C6orf118: variants seen among roughly 807,000 people sequenced by gnomAD.
C6orf118 encodes the protein chromosome 6 open reading frame 118.
A neutral mutation model predicts 50.2 loss-of-function variants in C6orf118; 50 were observed. That is an observed-to-expected ratio of 1.00 (90% CI 0.79 to 1.26). C6orf118 has a LOEUF of 1.26. Among genes scored for constraint, C6orf118 ranks in the 50% most tolerant of loss-of-function variants. The probability of loss-of-function intolerance (pLI) is 0.00; values close to 1 mark genes in which losing one functional copy is unlikely to be tolerated. For synonymous variants in C6orf118, 239 were observed against 230.9 expected (o/e 1.03, Z -0.32); for missense variants, 641 against 578.7 (o/e 1.11, Z -1.10).
chr6:165,280,145 G>C, intron 8 of C6orf118, 35 bp from the exon 9 acceptor site: 1 of 1,412,372 alleles, frequency 7.1e-7, no homozygotes, highest in Non-Finnish European at 9.7e-7. Context: ...CCATAGGTTA[G>C]AAAAAAATAC....
chr6:165,281,591 C>A (rs1779732765), intron 8 of C6orf118, 49 bp downstream of exon 8: 3 of 1,477,890 alleles, frequency 2.0e-6, no homozygotes, highest in Non-Finnish European at 1.8e-6. Context: ...AAGCAGTCAC[C>A]AGAGGAAATA....
In C6orf118 at chr6:165,298,568, G is replaced by C. The variant is rs146037371; in HGVS notation, c.937-467C>G. On this transcript the variant is annotated intron_variant, in intron 4 of 8. Transcript: ENST00000230301. ...ATGGGTTGCCAGGGTTACAGACACAGAAAGAGGCATCCAGGGCCCTGCTGG... is the reference window on the plus strand; with the variant it reads ...ATGGGTTGCCAGGGTTACAGACACACAAAGAGGCATCCAGGGCCCTGCTGG... 1.9e-3 allele frequency among the ~76,000 whole-genome samples: 285 copies of C among 152,326 alleles called. 1 individual carries two copies. Among genetic ancestry groups the C allele is most frequent in the Middle Eastern group, 6.8e-3 (2 of 294 alleles).
chr6:165,289,174 CAAAAAAAAAAAG>C (rs1461110084), intron 7 of C6orf118, among the ~76,000 whole-genome samples: 1 of 131,398 alleles, frequency 7.6e-6, no homozygotes, highest in South Asian at 2.4e-4. Context: ...GTCCCCCCTC[CAAAAAAAAAAAG>C]AAAAAGAAAA....
At chr6:165,282,325 G>A (rs557807096) in intron 7 of C6orf118, among the ~76,000 whole-genome samples, 1 of 152,226 alleles carries the variant, frequency 6.6e-6, no homozygotes, top group Admixed American at 6.5e-5. Flanking sequence ...CAGGATAACT[G>A]TGAACAAAAT....
Position 165,300,686 on chromosome 6 carries a change from A to AT in C6orf118, c.754-201dup, listed in dbSNP as rs538801797. Among the ~76,000 whole-genome samples the AT allele has an allele frequency of 1.3e-4, 20 of 151,812 alleles. No individual in the cohort carries two copies. In the South Asian group the frequency reaches 3.8e-3, roughly 29 times the overall value. Reference sequence around the variant, plus strand: ...TTTCCCTGGTCACCCAAGATGTGGGATTTTTTTAAAAAAATCTTTTCTTCT... The same window carrying AT: ...TTTCCCTGGTCACCCAAGATGTGGGATTTTTTTTAAAAAAATCTTTTCTTCT... On this transcript the variant is annotated intron_variant, in intron 2 of 8. Transcript: ENST00000230301.
intron 6 of C6orf118, among the ~76,000 whole-genome samples, chr6:165,290,271 A>G (rs1435743170): frequency 6.6e-6 from 1 of 152,168 alleles, no homozygotes; most frequent in African/African-American, 2.4e-5. Context: ...ATCAATACAT[A>G]TTTGTTGAAC....
In C6orf118 at chr6:165,299,475, G is replaced by A; in HGVS notation, c.904C>T (p.Leu302Phe). 1 of 1,614,108 alleles carries A rather than the reference G, an allele frequency of 6.2e-7. No homozygotes were observed. The highest frequency in any genetic ancestry group is 8.5e-7 in the Non-Finnish European group (1 of 1,180,034). ...TGTGCTGCAGGCTGGGACTCCAGGA[G>A]CGTTGCCATGTAGAGTTCATATTCA... ...KDEYELYMATLLESQPAAQYE... is the reference protein window; with the variant it reads ...KDEYELYMATFLESQPAAQYE... The change falls in exon 4 of 9, where the codon CTC becomes TTC. Residue 302 changes from leucine to phenylalanine, a missense_variant. Coordinates refer to ENST00000230301, the MANE Select transcript of C6orf118 (RefSeq NM_144980.4).
rs200079042 is a variant in C6orf118, at chr6:165,301,577, G to C, written c.745C>G (p.Leu249Val). Residue 249 changes from leucine to valine, a missense_variant, in exon 2 of 9, where the codon CTG becomes GTG. Transcript: ENST00000230301. ...AGGGCTGCCCTCCTCACCTGCTGCA[G>C]CTTTCTCTCGTGGCCCGCGGCCGCC... The part of the protein sequence containing the change: ...SKAAAGHERK[L>V]QQELQKICTC... 3.7e-5 allele frequency: 60 copies of C among 1,611,122 alleles called. No individual in the cohort carries two copies. The highest frequency in any genetic ancestry group is 4.9e-5 in the Non-Finnish European group (58 of 1,178,632).
intron 3 of C6orf118, 56 bp from the exon 4 acceptor site, chr6:165,299,558 G>C: frequency 7.8e-7 from 1 of 1,283,782 alleles, no homozygotes; most frequent in South Asian, 1.2e-5. Flanking sequence ...CACAGTGCAG[G>C]TGTTTCACGT....
At chr6:165,297,518 T>C (rs1780353813) in intron 5 of C6orf118, among the ~76,000 whole-genome samples, 2 of 152,204 alleles carry the variant, frequency 1.3e-5, no homozygotes, top group Non-Finnish European at 1.5e-5. Context: ...TTTCATGCTC[T>C]TGAAGATATT....
chr6:165,299,407 C>G lies in C6orf118; in HGVS notation c.936+36G>C, dbSNP rs370387478. Reference sequence around the variant, plus strand: ...CATGAAATATGAAGCTATGGATAAGCAGGCTCTATTCAGGCTCTTTGTGAT... The same window carrying G: ...CATGAAATATGAAGCTATGGATAAGGAGGCTCTATTCAGGCTCTTTGTGAT... On this transcript the variant is annotated intron_variant, in intron 4 of 8. Coordinates refer to ENST00000230301, the MANE Select transcript of C6orf118 (RefSeq NM_144980.4). 3 of 1,596,000 alleles carry G rather than the reference C, an allele frequency of 1.9e-6. No homozygotes were observed. The Admixed American group carries it at 5.0e-5, about 27-fold the overall frequency.
chr6:165,292,493 A>C (rs368121419), intron 6 of C6orf118, among the ~76,000 whole-genome samples: 2 of 152,208 alleles, frequency 1.3e-5, no homozygotes, highest in Non-Finnish European at 2.9e-5. Context: ...GGCTAGCAGT[A>C]AAGTAAAGCC....
Position 165,279,853 on chromosome 6 carries a change from T to C in C6orf118, c.*204A>G, listed in dbSNP as rs1432240566. The C allele has an allele frequency of 2.2e-6, 1 of 446,942 alleles. No homozygotes were observed. Among genetic ancestry groups the C allele is most frequent in the Non-Finnish European group, 3.9e-6 (1 of 257,566 alleles). 27.7% of individuals were successfully genotyped at this position (446,942 alleles called of 1,614,324 possible). On this transcript the variant is annotated 3_prime_UTR_variant, in exon 9 of 9. Transcript: ENST00000230301. Reference sequence around the variant, plus strand: ...TTAAGAACTAGTATTGTTGTAAATATGTATGCAACAGAAACTAATCATGTG... The same window carrying C: ...TTAAGAACTAGTATTGTTGTAAATACGTATGCAACAGAAACTAATCATGTG...
chr6:165,296,562 C>T (rs1205731556), intron 5 of C6orf118, among the ~76,000 whole-genome samples: 1 of 152,146 alleles, frequency 6.6e-6, no homozygotes, highest in Non-Finnish European at 1.5e-5. Context: ...CCCCACAGAA[C>T]TCGTGCCTTC....
chr6:165,294,992 A>G (rs1780241121), intron 5 of C6orf118, among the ~76,000 whole-genome samples: 1 of 152,212 alleles, frequency 6.6e-6, no homozygotes, highest in South Asian at 2.1e-4. Context: ...TTTACATATT[A>G]TAGTTTTAAA....
intron 5 of C6orf118, among the ~76,000 whole-genome samples, chr6:165,295,736 G>C (rs899715677): frequency 5.3e-5 from 8 of 151,856 alleles, no homozygotes; most frequent in African/African-American, 1.7e-4. Context: ...TATGTGGAAG[G>C]GTTGTGTGCA....
chr6:165,285,511 C>T (rs1465687334), intron 7 of C6orf118, among the ~76,000 whole-genome samples: 1 of 152,116 alleles, frequency 6.6e-6, no homozygotes, highest in Non-Finnish European at 1.5e-5. Flanking sequence ...CTTCTCAGTA[C>T]CACATGGCAC....
intron 7 of C6orf118, among the ~76,000 whole-genome samples, chr6:165,285,166 T>C (rs905164733): frequency 1.3e-5 from 2 of 152,156 alleles, no homozygotes; most frequent in Non-Finnish European, 2.9e-5. Context: ...GTTGCAATCC[T>C]ACTTTCTGAC....
rs1338256828 is a variant in C6orf118 at position 165,299,473 on chromosome 6, G to T, written c.906C>A (p.Leu302=). 1.2e-6 allele frequency: 2 copies of T among 1,613,976 alleles called. No homozygotes were observed. The highest frequency in any genetic ancestry group is 1.7e-6 in the Non-Finnish European group (2 of 1,180,014). Reference sequence around the variant, plus strand: ...ACTGTGCTGCAGGCTGGGACTCCAGGAGCGTTGCCATGTAGAGTTCATATT... The same window carrying T: ...ACTGTGCTGCAGGCTGGGACTCCAGTAGCGTTGCCATGTAGAGTTCATATT... The part of the protein sequence containing the change: ...KDEYELYMAT[L]LESQPAAQYE... Residue 302 remains leucine, a synonymous_variant, in exon 4 of 9, where the codon CTC becomes CTA. Transcript: ENST00000230301.
Sources: allele counts gnomAD v4.1 joint callset (sites outside exome capture counted in the v4.1 genomes callset), GRCh38; gene constraint gnomAD v4.1.1; transcripts MANE v1.5; gene names NCBI Gene and HGNC (gene_info 2026-07-23, HGNC 2026-07-21).